FYB2: variants seen among roughly 807,000 people sequenced by gnomAD.
FYB2 encodes FYN-binding protein 2.
A neutral mutation model predicts 94.1 loss-of-function variants in FYB2; 103 were observed. The ratio of observed to expected loss-of-function variants is 1.09; its 90% CI spans 0.93 to 1.29. The LOEUF (loss-of-function observed/expected upper bound fraction) is 1.29. Among genes scored for constraint, FYB2 ranks in the 50% most tolerant of loss-of-function variants. The pLI, the probability that FYB2 is intolerant of heterozygous loss-of-function variation, is 0.00. For missense variants in FYB2, 896 were observed against 841.5 expected (o/e 1.06, Z -0.80); for synonymous variants, 293 against 287.9 (o/e 1.02, Z -0.18).
At chr1:56,799,735 A>C (rs1646477727) in intron 1 of FYB2, among the ~76,000 whole-genome samples, 1 of 152,170 alleles carries the variant, frequency 6.6e-6, no homozygotes, top group Admixed American at 6.5e-5. Flanking sequence ...AGCATGGCAC[A>C]GACAGTTATT....
chr1:56,791,287 G>C (rs912127361), intron 2 of FYB2, among the ~76,000 whole-genome samples: 5 of 143,982 alleles, frequency 3.5e-5, no homozygotes, highest in Admixed American at 7.2e-5. Flanking sequence ...ACAGGATCTT[G>C]CTCTGTTGCC....
chr1:56,726,638 G>A, intron 15 of FYB2, 55 bp from the exon 16 acceptor site: 1 of 1,433,274 alleles, frequency 7.0e-7, no homozygotes, highest in Non-Finnish European at 9.7e-7. Flanking sequence ...TATATTCATG[G>A]AACCATCAAC....
chr1:56,757,706 C>CTTTCTTTCTTTT (rs1281729579), intron 6 of FYB2, among the ~76,000 whole-genome samples: 1 of 93,398 alleles, frequency 1.1e-5, no homozygotes, highest in Non-Finnish European at 2.2e-5. Context: ...TTCTTTCTTT[C>CTTTCTTTCTTTT]TTTCTTTCTT....
At chr1:56,802,358 G>A (rs1646542120) in intron 1 of FYB2, among the ~76,000 whole-genome samples, 1 of 152,194 alleles carries the variant, frequency 6.6e-6, no homozygotes, top group Admixed American at 6.5e-5. Context: ...TTTAGTGAAG[G>A]TAGTTATGCA....
intron 14 of FYB2, chr1:56,737,692 C>T (rs1485013650): frequency 6.6e-6 from 1 of 152,174 alleles, no homozygotes; most frequent in East Asian, 1.9e-4. Context: ...AGGATATTCA[C>T]ATTCCTTGGC....
intron 1 of FYB2, among the ~76,000 whole-genome samples, chr1:56,809,268 T>C (rs1411510561): frequency 6.6e-6 from 1 of 152,238 alleles, no homozygotes; most frequent in Non-Finnish European, 1.5e-5. Flanking sequence ...TACAAGGTAT[T>C]CTTCTAGACA....
At position 56,744,036 on chromosome 1, in the gene FYB2, G is replaced by C; in HGVS notation, c.1533C>G (p.Ala511=). The change falls in exon 11 of 20, where the codon GCC becomes GCG. Residue 511 remains alanine (A), a synonymous_variant. Transcript: ENST00000343433. The stretch of plus-strand genomic sequence containing the variant: ...TCTTCCTATACTTACCACTACTTGA[G>C]GCAAGTGAGCTAGAGTAGTTCAGCT... The part of the protein sequence containing the change: ...VPKLNYSSSL[A]SSSEENRELY... 4 of 1,612,352 alleles carry C rather than the reference G, an allele frequency of 2.5e-6. No individual in the cohort carries two copies. Among genetic ancestry groups the C allele is most frequent in the Non-Finnish European group, 3.4e-6 (4 of 1,179,194 alleles).
At chr1:56,754,808 T>C (rs1343606893) in intron 7 of FYB2, among the ~76,000 whole-genome samples, 2 of 152,134 alleles carry the variant, frequency 1.3e-5, no homozygotes, top group Non-Finnish European at 2.9e-5. Context: ...CCTCAGAATC[T>C]AGCAGCATCT....
intron 17 of FYB2, 70 bp from the exon 18 acceptor site, chr1:56,720,399 G>T: frequency 7.3e-7 from 1 of 1,362,558 alleles, no homozygotes; most frequent in South Asian, 1.6e-5. Context: ...ATTAATGGAG[G>T]ATATAATATA....
At chr1:56,783,643 T>A (rs1738409) in intron 4 of FYB2, among the ~76,000 whole-genome samples, 117,279 of 152,078 alleles carry the variant, frequency 0.77, 46,310 homozygotes, top group East Asian at 0.96. Flanking sequence ...TAGGGAGGTC[T>A]ATTCTTTTTC....
At chr1:56,738,546 G>C (rs1276912451) in intron 14 of FYB2, 79 bp downstream of exon 14, 6 of 1,386,066 alleles carry the variant, frequency 4.3e-6, no homozygotes, top group Non-Finnish European at 6.0e-6. Flanking sequence ...ATGCAGGAAG[G>C]GTTACCATTT....
intron 4 of FYB2, among the ~76,000 whole-genome samples, chr1:56,780,582 C>A (rs536005870): frequency 3.0e-4 from 45 of 152,292 alleles, no homozygotes; most frequent in African/African-American, 1.1e-3. Flanking sequence ...ACCTGACTCT[C>A]CATGGTCAGA....
intron 9 of FYB2, among the ~76,000 whole-genome samples, chr1:56,746,351 C>G (rs12061236): frequency 6.6e-6 from 1 of 151,832 alleles, no homozygotes; most frequent in East Asian, 1.9e-4. Flanking sequence ...TATCTATTAT[C>G]TTAGTACATA....
rs527323011 is a variant in FYB2 at position 56,804,948 on chromosome 1, G to A, written c.10-12145C>T. On this transcript the variant is annotated intron_variant, in intron 1 of 19. Transcript: ENST00000343433. ...TCTAACTCACCCCTGCAGTAAAACTGAACTTGCCTCTGTGCATCTGCTGTT... is the reference window on the plus strand; with the variant it reads ...TCTAACTCACCCCTGCAGTAAAACTAAACTTGCCTCTGTGCATCTGCTGTT... Among the ~76,000 whole-genome samples, 46 of 152,198 alleles carry A rather than the reference G, an allele frequency of 3.0e-4. 1 individual carries two copies. In the South Asian group the frequency reaches 4.6e-3, roughly 15 times the overall value.
intron 6 of FYB2, 88 bp from the exon 7 acceptor site, chr1:56,756,015 A>G: frequency 1.5e-6 from 2 of 1,301,984 alleles, no homozygotes. Context: ...AGACTACACC[A>G]AAAGGTGAGG....
intron 1 of FYB2, among the ~76,000 whole-genome samples, chr1:56,813,488 C>A (rs1288921470): frequency 1.3e-5 from 2 of 152,198 alleles, no homozygotes; most frequent in African/African-American, 4.8e-5. Flanking sequence ...TACCTCCTGC[C>A]AGGTCCCTCC....
At chr1:56,719,966 G>C (rs1254482876) in intron 19 of FYB2, 56 bp downstream of exon 19, 1 of 1,482,886 alleles carries the variant, frequency 6.7e-7, no homozygotes, top group African/African-American at 1.4e-5. Flanking sequence ...TGAGACTAAT[G>C]TATACAACAA....
intron 9 of FYB2, among the ~76,000 whole-genome samples, chr1:56,744,988 C>G (rs562204508): frequency 2.4e-4 from 37 of 151,972 alleles, no homozygotes; most frequent in African/African-American, 8.9e-4. Flanking sequence ...TAACTGGTAT[C>G]TATTAATTAA....
At chr1:56,728,636 G>A (rs1014199453) in intron 15 of FYB2, among the ~76,000 whole-genome samples, 1 of 152,020 alleles carries the variant, frequency 6.6e-6, no homozygotes, top group African/African-American at 2.4e-5. Flanking sequence ...AAAAAACATG[G>A]CAAAGTGTGT....
Sources: gnomAD v4.1 joint callset for allele counts (sites outside exome capture counted in the v4.1 genomes callset) on GRCh38, gnomAD v4.1.1 for gene constraint, MANE v1.5 for transcripts, NCBI Gene and HGNC (gene_info 2026-07-23, HGNC 2026-07-21) for gene names.